Variants in PCDH9 observed in about 807,000 individuals in gnomAD.
PCDH9 encodes the protein protocadherin-9.
Under a neutral mutation model 70.6 loss-of-function variants are expected in PCDH9, and 24 were observed. The observed-to-expected ratio is 0.34, with a 90% confidence interval of 0.25 to 0.48. The LOEUF is 0.48. Among genes scored for constraint, PCDH9 ranks in the 20% least tolerant of loss-of-function variants. The pLI, the probability that PCDH9 is intolerant of heterozygous loss-of-function variation, is 0.99. For synonymous variants in PCDH9, 562 were observed against 558.5 expected, an observed-to-expected ratio of 1.01 and a Z score of -0.09; for missense variants, 1,281 against 1,503.6, an observed-to-expected ratio of 0.85 and a Z score of 2.45.
intron 3 of PCDH9, among the ~76,000 whole-genome samples, chr13:66,836,985 C>T (rs1031815708): frequency 6.6e-6 from 1 of 152,136 alleles, no homozygotes; most frequent in Non-Finnish European, 1.5e-5. Context: ...CCCAAGTATA[C>T]GCTAAAAATC....
chr13:66,552,357 CG>C (rs1244525133), intron 4 of PCDH9, among the ~76,000 whole-genome samples: 1 of 152,034 alleles, frequency 6.6e-6, no homozygotes, highest in African/African-American at 2.4e-5. Context: ...GTCTCCTAGG[CG>C]CGATATTTGC....
At chr13:66,955,880 T>A (rs1448043408) in intron 2 of PCDH9, among the ~76,000 whole-genome samples, 1 of 152,106 alleles carries the variant, frequency 6.6e-6, no homozygotes, top group Non-Finnish European at 1.5e-5. Context: ...TCACTTCAGG[T>A]CAGGAGTTCG....
At chr13:67,150,350 T>C (rs1450584357) in intron 2 of PCDH9, among the ~76,000 whole-genome samples, 1 of 152,182 alleles carries the variant, frequency 6.6e-6, no homozygotes, top group African/African-American at 2.4e-5. Context: ...AATTTGAGTT[T>C]TAATCAATAC....
chr13:67,015,018 G>T (rs904772994), intron 2 of PCDH9, among the ~76,000 whole-genome samples: 2 of 151,862 alleles, frequency 1.3e-5, no homozygotes, highest in Non-Finnish European at 2.9e-5. Context: ...ATTAGTTTTG[G>T]TCCTAGTCAA....
intron 3 of PCDH9, among the ~76,000 whole-genome samples, chr13:66,725,291 T>C (rs1308022814): frequency 1.3e-5 from 2 of 152,222 alleles, no homozygotes; most frequent in Non-Finnish European, 2.9e-5. Flanking sequence ...TCCAAGCTAT[T>C]ATCACCTCTC....
intron 2 of PCDH9, among the ~76,000 whole-genome samples, chr13:67,007,916 G>A (rs2084383427): frequency 6.6e-6 from 1 of 152,054 alleles, no homozygotes; most frequent in Admixed American, 6.6e-5. Flanking sequence ...AGAACAACTG[G>A]TACATGGAAA....
chr13:67,027,259 C>T (rs888782523), intron 2 of PCDH9, among the ~76,000 whole-genome samples: 60 of 152,122 alleles, frequency 3.9e-4, no homozygotes, highest in African/African-American at 7.7e-4. Context: ...GAAATAACGC[C>T]GCATATCCAC....
chr13:66,446,629 G>A (rs1307165246), intron 4 of PCDH9, among the ~76,000 whole-genome samples: 1 of 151,986 alleles, frequency 6.6e-6, no homozygotes, highest in Non-Finnish European at 1.5e-5. Flanking sequence ...CAGGTGAATG[G>A]AATTCCATTT....
At chr13:67,224,793 G>A in intron 2 of PCDH9, 8 of 868,640 alleles carry the variant, frequency 9.2e-6, no homozygotes, top group Non-Finnish European at 1.1e-5. Context: ...TTTCTATTAA[G>A]TACCGAATTT....
chr13:66,913,282 T>C (rs2082500828), intron 2 of PCDH9, among the ~76,000 whole-genome samples: 1 of 151,928 alleles, frequency 6.6e-6, no homozygotes, highest in Non-Finnish European at 1.5e-5. Context: ...AAGGAGTGCA[T>C]AAGTTCTTTT....
intron 3 of PCDH9, among the ~76,000 whole-genome samples, chr13:66,692,817 G>A (rs1473051402): frequency 6.6e-6 from 1 of 151,998 alleles, no homozygotes; most frequent in Admixed American, 6.6e-5. Context: ...CAAGAAGAAT[G>A]GAATTATATA....
intron 3 of PCDH9, among the ~76,000 whole-genome samples, chr13:66,641,151 C>T (rs764588769): frequency 3.3e-5 from 5 of 151,722 alleles, no homozygotes; most frequent in Non-Finnish European, 5.9e-5. Flanking sequence ...TTCCAGTAGT[C>T]CTAGATCATG....
At chr13:66,883,192 C>G (rs1482947789) in intron 3 of PCDH9, among the ~76,000 whole-genome samples, 1 of 152,162 alleles carries the variant, frequency 6.6e-6, no homozygotes, top group Non-Finnish European at 1.5e-5. Context: ...AGGCTCTGAT[C>G]AAATGCTACC....
intron 2 of PCDH9, among the ~76,000 whole-genome samples, chr13:67,143,907 G>T (rs1041101118): frequency 4.6e-5 from 7 of 152,132 alleles, no homozygotes; most frequent in Non-Finnish European, 8.8e-5. Flanking sequence ...CATCCCTACA[G>T]ATAATAAGGT....
intron 2 of PCDH9, among the ~76,000 whole-genome samples, chr13:67,116,704 C>T (rs953693098): frequency 1.3e-5 from 2 of 152,122 alleles, no homozygotes; most frequent in Non-Finnish European, 2.9e-5. Flanking sequence ...CTCCTTTGTT[C>T]CATCCACCAT....
intron 3 of PCDH9, among the ~76,000 whole-genome samples, chr13:66,787,541 A>G (rs1241564449): frequency 2.6e-5 from 4 of 151,964 alleles, no homozygotes; most frequent in African/African-American, 7.2e-5. Context: ...GCTTAAACCC[A>G]GAGGACGGAG....
At position 66,647,108 on chromosome 13, in the gene PCDH9, C is replaced by T. The variant is rs148244487; in HGVS notation, c.3139-15697G>A. On this transcript the variant is annotated intron_variant, in intron 3 of 4. Transcript: ENST00000377865. ...TGGAGTGCTAAATAAACTTGAAAGG[C>T]AGTCTAGGCCACAGGGACTGCAATT... 6.7e-3 allele frequency among the ~76,000 whole-genome samples: 1,026 copies of T among 152,186 alleles called. 12 individuals carry two copies. Among genetic ancestry groups the T allele is most frequent in the African/African-American group, 0.024 (980 of 41,538 alleles).
At chr13:66,517,037 C>T (rs1012326709) in intron 4 of PCDH9, among the ~76,000 whole-genome samples, 3 of 151,952 alleles carry the variant, frequency 2.0e-5, no homozygotes, top group African/African-American at 7.3e-5. Context: ...TGAGTAATTG[C>T]CAGAGACCCT....
At chr13:66,673,141 T>G (rs1406527029) in intron 3 of PCDH9, among the ~76,000 whole-genome samples, 1 of 152,140 alleles carries the variant, frequency 6.6e-6, no homozygotes, top group Non-Finnish European at 1.5e-5. Flanking sequence ...ATTGTAGCTC[T>G]CATAATCCCC....
Sources: gnomAD v4.1 joint callset for allele counts (sites outside exome capture counted in the v4.1 genomes callset) on GRCh38, gnomAD v4.1.1 for gene constraint, MANE v1.5 for transcripts, NCBI Gene and HGNC (gene_info 2026-07-23, HGNC 2026-07-21) for gene names.